The following PPP1CC variants were observed in gnomAD, a reference collection of about 807,000 sequenced individuals.
PPP1CC encodes protein phosphatase 1 catalytic subunit gamma, also known as serine/threonine-protein phosphatase PP1-gamma catalytic subunit.
Under a neutral mutation model 38.4 loss-of-function variants are expected in PPP1CC, and 16 were observed. The ratio of observed to expected loss-of-function variants is 0.42; its 90% CI spans 0.28 to 0.63. The LOEUF (loss-of-function observed/expected upper bound fraction) is 0.63. Among genes scored for constraint, PPP1CC ranks in the 30% least tolerant of loss-of-function variants. The pLI, the probability that PPP1CC is intolerant of heterozygous loss-of-function variation, is 0.25. For synonymous variants in PPP1CC, 158 were observed against 136.0 expected (o/e 1.16, Z -1.13); for missense variants, 170 against 391.3 (o/e 0.43, Z 4.77).
chr12:110,722,729 G>A lies in PPP1CC; in HGVS notation c.524-34C>T. 6.5e-7 allele frequency: 1 copy of A among 1,528,298 alleles called. No homozygotes were observed. Among genetic ancestry groups the A allele is most frequent in the East Asian group, 2.3e-5 (1 of 44,242 alleles). 94.7% of individuals were successfully genotyped at this position (1,528,298 alleles called of 1,614,324 possible). A position where few individuals can be genotyped will look rare whatever the true frequency, so the allele number is the denominator to read the frequency against. The stretch of plus-strand genomic sequence containing the variant: ...TGAGGAAAAAAAAAAAATGAAGAAA[G>A]CAGAACTTTTAAAAGGATACTACCC... On this transcript the variant is annotated intron_variant, in intron 4 of 6. Coordinates refer to ENST00000335007, the MANE Select transcript of PPP1CC (RefSeq NM_002710.4). This position sits in a 1 kb window ranked among gnomAD's most constrained non-coding sequence, Gnocchi z 5.4.
At chr12:110,717,259 G>C (rs2069694582), downstream of PPP1CC, among the ~76,000 whole-genome samples, 1 of 152,084 alleles carries the variant, frequency 6.6e-6, no homozygotes, top group Admixed American at 6.5e-5. Context: ...TTCCAGTCTG[G>C]GCTGATGCAT....
At chr12:110,728,519 G>A (rs1327624967) in intron 3 of PPP1CC, among the ~76,000 whole-genome samples, 3 of 152,214 alleles carry the variant, frequency 2.0e-5, no homozygotes, top group African/African-American at 7.2e-5. Flanking sequence ...TAGGGAGGCT[G>A]AGGTGAAAGG....
intron 1 of PPP1CC, among the ~76,000 whole-genome samples, chr12:110,741,188 T>G (rs2070013131): frequency 6.9e-6 from 1 of 145,868 alleles, no homozygotes; most frequent in Non-Finnish European, 1.5e-5. Context: ...TTAGTGTTTT[T>G]TTTGTTGTTT....
At chr12:110,728,251 T>C (rs2069827222) in intron 3 of PPP1CC, among the ~76,000 whole-genome samples, 1 of 151,822 alleles carries the variant, frequency 6.6e-6, no homozygotes, top group Non-Finnish European at 1.5e-5. Context: ...TACAAAAAAT[T>C]AGCCGGGCGT....
the PPP1CC span, among the ~76,000 whole-genome samples, chr12:110,713,332 C>T: frequency 2.0e-5 from 3 of 151,980 alleles, no homozygotes; most frequent in Non-Finnish European, 4.4e-5. Context: ...TGAGTTTCAC[C>T]GTGTTGCTCA....
downstream of PPP1CC, among the ~76,000 whole-genome samples, chr12:110,719,355 C>T (rs1054016694): frequency 2.6e-5 from 4 of 152,108 alleles, no homozygotes; most frequent in Non-Finnish European, 5.9e-5. Flanking sequence ...AAGAGTTCCT[C>T]GCTAGGTCCT....
intron 1 of PPP1CC, among the ~76,000 whole-genome samples, 155 bp downstream of exon 1, chr12:110,742,498 G>C (rs956702034): frequency 2.0e-5 from 3 of 152,166 alleles, no homozygotes; most frequent in Admixed American, 2.0e-4. Context: ...GCCTCCCTCC[G>C]GCTGCAGTCC....
downstream of PPP1CC, among the ~76,000 whole-genome samples, chr12:110,714,754 C>T (rs1259451607): frequency 2.3e-5 from 3 of 129,910 alleles, no homozygotes; most frequent in Non-Finnish European, 3.1e-5. Flanking sequence ...TGCAATGAGC[C>T]GAGATGGTAC....
intron 1 of PPP1CC, among the ~76,000 whole-genome samples, chr12:110,735,661 A>G (rs1046057487): frequency 1.3e-5 from 2 of 151,472 alleles, no homozygotes; most frequent in African/African-American, 2.4e-5. Context: ...GCACGCCTGT[A>G]ACCCCAGCTA....
chr12:110,734,641 C>A (rs2069920754), intron 1 of PPP1CC: 1 of 153,538 alleles, frequency 6.5e-6, no homozygotes, highest in South Asian at 2.1e-4. Flanking sequence ...GTGCCCAGCC[C>A]AGACTATATA....
chr12:110,730,605 A>G lies in PPP1CC; in HGVS notation c.342T>C (p.Tyr114=), dbSNP rs748219328. 8 of 1,614,028 alleles carry G rather than the reference A, an allele frequency of 5.0e-6. No homozygotes were observed. The East Asian group carries it at 1.1e-4, about 22-fold the overall frequency. ...CTCTGAGAAGAAAAAAATTCTCAGG[A>G]TATTTTATTTTGTAGGCCAGTAAGA... ...ICLLLAYKIK[Y]PENFFLLRGN... Residue 114 remains tyrosine (Y), a synonymous_variant, in exon 3 of 7, where the codon TAT becomes TAC. Coordinates refer to ENST00000335007, the MANE Select transcript of PPP1CC (RefSeq NM_002710.4).
Position 110,720,847 on chromosome 12 carries a change from G to A in PPP1CC, c.*229C>T. 1 of 408,752 alleles carries A rather than the reference G, an allele frequency of 2.4e-6. No individual in the cohort carries two copies. The highest frequency in any genetic ancestry group is 4.5e-5 in the East Asian group (1 of 22,102). The allele number at this position is 408,752 out of a possible 1,614,324, so 25.3% of individuals were successfully genotyped here. On this transcript the variant is annotated 3_prime_UTR_variant, in exon 7 of 7. Transcript: ENST00000335007. The stretch of plus-strand genomic sequence containing the variant: ...TTTAACACCATCATTAAAATTGTTT[G>A]CAAAAGGAACAGAGAATTAAAAAAC...
rs1484554004 is a variant in PPP1CC at position 110,730,749 on chromosome 12, A to G, written c.198T>C (p.His66=). The change falls in exon 3 of 7, where the codon CAT becomes CAC. Residue 66 remains histidine, a synonymous_variant. Coordinates refer to ENST00000335007, the MANE Select transcript of PPP1CC (RefSeq NM_002710.4). ...EAPLKICGDI[H]GQYYDLLRLF... ...GTCGCAGCAAATCATAGTATTGTCC[A>G]TGGATGTCACCTGGAAGCAAGAATT... The G allele has an allele frequency of 8.7e-6, 14 of 1,605,964 alleles. No homozygotes were observed. The highest frequency in any genetic ancestry group is 1.7e-5 in the Admixed American group (1 of 57,852).
the PPP1CC span, among the ~76,000 whole-genome samples, chr12:110,713,255 C>T: frequency 6.6e-6 from 1 of 151,868 alleles, no homozygotes; most frequent in Non-Finnish European, 1.5e-5. Flanking sequence ...GCCTCAGCCT[C>T]CTGAGTAGCT....
intron 1 of PPP1CC, among the ~76,000 whole-genome samples, chr12:110,733,738 C>T (rs2069909330): frequency 6.6e-6 from 1 of 152,130 alleles, no homozygotes; most frequent in South Asian, 2.1e-4. Flanking sequence ...CTCTGGCCCC[C>T]CAAGTGCCGG....
At chr12:110,734,458 C>T (rs1331974254) in intron 1 of PPP1CC, among the ~76,000 whole-genome samples, 1 of 152,208 alleles carries the variant, frequency 6.6e-6, no homozygotes, top group African/African-American at 2.4e-5. Flanking sequence ...ATTATCCTGC[C>T]TCAGCCTCCC....
intron 3 of PPP1CC, among the ~76,000 whole-genome samples, chr12:110,727,413 C>A (rs188005807): frequency 2.0e-3 from 304 of 152,272 alleles, no homozygotes; most frequent in African/African-American, 7.1e-3. Context: ...CTACCTCAGA[C>A]CACTAGGAAC....
chr12:110,722,336 T>A lies in PPP1CC; in HGVS notation c.748-67A>T. ...TAGGTGAGTAAAACCATGTTTCAGT[T>A]TCCCATTGAGCCTGATATCTTGTGT... is the stretch of plus-strand genomic sequence containing the variant. On this transcript the variant is annotated intron_variant, in intron 5 of 6. Transcript: ENST00000335007. This position sits in a 1 kb window ranked among gnomAD's most constrained non-coding sequence, Gnocchi z 5.4. 2 of 1,583,672 alleles carry A rather than the reference T, an allele frequency of 1.3e-6. No homozygotes were observed. The highest frequency in any genetic ancestry group is 1.7e-6 in the Non-Finnish European group (2 of 1,157,670).
chr12:110,740,976 CCTTT>C (rs746329259), intron 1 of PPP1CC, among the ~76,000 whole-genome samples: 3 of 152,180 alleles, frequency 2.0e-5, no homozygotes, highest in Non-Finnish European at 2.9e-5. Flanking sequence ...ACAAAAAGTT[CCTTT>C]CTTACAGCAA....
Sources: allele counts gnomAD v4.1 joint callset (sites outside exome capture counted in the v4.1 genomes callset), GRCh38; gene constraint gnomAD v4.1.1; non-coding constraint Gnocchi (gnomAD v3.1); transcripts MANE v1.5; gene names NCBI Gene and HGNC (gene_info 2026-07-23, HGNC 2026-07-21).